Variants in ARHGAP27 observed in about 807,000 individuals in gnomAD.
ARHGAP27 encodes Rho GTPase activating protein 27.
In ARHGAP27, 53 loss-of-function variants were observed where a neutral mutation model predicts 102.0. The ratio of observed to expected loss-of-function variants is 0.52; its 90% CI spans 0.42 to 0.65. ARHGAP27 has a LOEUF of 0.65. Among genes scored for constraint, ARHGAP27 ranks in the 30% least tolerant of loss-of-function variants. The probability of loss-of-function intolerance (pLI) is 0.00; values close to 1 mark genes in which losing one functional copy is unlikely to be tolerated. For missense variants in ARHGAP27, 1,117 were observed against 1,256.2 expected (o/e 0.89, Z 1.68); for synonymous variants, 525 against 542.8 (o/e 0.97, Z 0.46).
chr17:45,410,472 G>A (rs1199009682), intron 4 of ARHGAP27: 5 of 1,296,026 alleles, frequency 3.9e-6, no homozygotes, highest in African/African-American at 1.6e-5. Flanking sequence ...TGGGGCGGGT[G>A]GGGTGGAGGG....
intron 4 of ARHGAP27, chr17:45,407,437 C>A (rs2047319462): frequency 6.6e-6 from 1 of 152,332 alleles, no homozygotes; most frequent in South Asian, 2.1e-4. Context: ...CAGATGACTA[C>A]ATTCTCAAAC....
chr17:45,404,784 G>GGCAGGT (rs1165413221), intron 6 of ARHGAP27, 103 bp from the exon 7 acceptor site: 8 of 1,493,822 alleles, frequency 5.4e-6, no homozygotes, highest in Non-Finnish European at 7.3e-6. Flanking sequence ...AGTCTGGAGG[G>GGCAGGT]GCAGGTGCAG....
chr17:45,406,705 G>A (rs906557581), intron 4 of ARHGAP27, among the ~76,000 whole-genome samples: 2 of 152,076 alleles, frequency 1.3e-5, no homozygotes, highest in African/African-American at 4.8e-5. Context: ...CCAGGCTGGA[G>A]TGCAGTGGCG....
chr17:45,397,572 T>C (rs2045902898), intron 13 of ARHGAP27: 1 of 227,972 alleles, frequency 4.4e-6, no homozygotes, highest in Non-Finnish European at 8.5e-6. Context: ...ACTTATGCAA[T>C]TGGTGTTTTC....
chr17:45,428,093 C>G (rs764255916), intron 4 of ARHGAP27, among the ~76,000 whole-genome samples: 1 of 152,260 alleles, frequency 6.6e-6, no homozygotes, highest in South Asian at 2.1e-4. Flanking sequence ...GACCCTGGGC[C>G]AGATGCGAGG....
intron 12 of ARHGAP27, among the ~76,000 whole-genome samples, chr17:45,401,249 A>G (rs1434835599): frequency 1.3e-5 from 2 of 151,864 alleles, no homozygotes; most frequent in Non-Finnish European, 2.9e-5. Context: ...TTAGGTGGGA[A>G]GATCGCTTGA....
chr17:45,424,141 G>C (rs2049314876), intron 4 of ARHGAP27, among the ~76,000 whole-genome samples: 1 of 152,240 alleles, frequency 6.6e-6, no homozygotes, highest in African/African-American at 2.4e-5. Flanking sequence ...CCAGCCAGGA[G>C]AGGGCAAGGA....
In ARHGAP27 at chr17:45,395,498, C is replaced by T; in HGVS notation, c.2628G>A (p.Glu876=). Residue 876 remains glutamate (E), a synonymous_variant, in exon 20 of 20, where the codon GAG becomes GAA. Coordinates refer to ENST00000685559, the MANE Select transcript of ARHGAP27 (RefSeq NM_001282290.2). The stretch of plus-strand genomic sequence containing the variant: ...TGTCCGCGCACTGCTGCAGGATGAG[C>T]TCCACCACCTGGTTCTGGAACACCA... The part of the protein sequence containing the change: ...MTMVFQNQVV[E]LILQQCADIF... 1.3e-6 allele frequency: 2 copies of T among 1,590,252 alleles called. No homozygotes were observed. Among genetic ancestry groups the T allele is most frequent in the Non-Finnish European group, 8.6e-7 (1 of 1,167,780 alleles).
chr17:45,407,119 G>A (rs1026759585), intron 4 of ARHGAP27, among the ~76,000 whole-genome samples: 3 of 152,076 alleles, frequency 2.0e-5, no homozygotes, highest in Admixed American at 2.0e-4. Context: ...CCTTAACCAG[G>A]CACAAGAGAC....
At chr17:45,395,710 G>C (rs1052431778) in intron 19 of ARHGAP27, 34 bp downstream of exon 19, 1 of 1,571,334 alleles carries the variant, frequency 6.4e-7, no homozygotes, top group Non-Finnish European at 8.6e-7. Context: ...GCCGGGACCT[G>C]CCTCCCCCTT....
intron 4 of ARHGAP27, chr17:45,408,275 G>GCA (rs1229479893): frequency 6.6e-6 from 1 of 152,238 alleles, no homozygotes; most frequent in Non-Finnish European, 1.5e-5. Context: ...GGGGAATACA[G>GCA]CAGGGAAGAA....
At chr17:45,420,527 T>A (rs1338903414) in intron 4 of ARHGAP27, among the ~76,000 whole-genome samples, 1 of 150,998 alleles carries the variant, frequency 6.6e-6, no homozygotes, top group East Asian at 1.9e-4. Context: ...TGCTTTGATT[T>A]AAAAAAAAAC....
Position 45,398,057 on chromosome 17 carries a change from C to T in ARHGAP27, c.1744-10G>A. On this transcript the variant is annotated splice_polypyrimidine_tract_variant and intron_variant, in intron 12 of 19. Transcript: ENST00000685559. ...CATCTCGGCTCCGTAGCTGGAGGGA[C>T]ACAAGTCAGTGGGTCATCTCTGGTA... is the stretch of plus-strand genomic sequence containing the variant. 3 of 1,596,782 alleles carry T rather than the reference C, an allele frequency of 1.9e-6. No individual in the cohort carries two copies. Among genetic ancestry groups the T allele is most frequent in the Non-Finnish European group, 2.6e-6 (3 of 1,167,350 alleles).
intron 11 of ARHGAP27, 103 bp downstream of exon 11, chr17:45,403,516 A>G: frequency 1.0e-6 from 1 of 984,402 alleles, no homozygotes; most frequent in South Asian, 1.7e-5. Flanking sequence ...ACACCACTAC[A>G]CTCCAGCCTG....
intron 4 of ARHGAP27, among the ~76,000 whole-genome samples, chr17:45,424,572 T>G (rs1045725785): frequency 3.3e-5 from 5 of 151,654 alleles, no homozygotes; most frequent in African/African-American, 1.2e-4. Context: ...CAGTCAGCTC[T>G]AGGAAGGGCA....
In ARHGAP27 at chr17:45,395,338, C is replaced by A; in HGVS notation, c.*118G>T. 2 of 1,312,108 alleles carry A rather than the reference C, an allele frequency of 1.5e-6. No individual in the cohort carries two copies. Among genetic ancestry groups the A allele is most frequent in the South Asian group, 3.0e-5 (2 of 65,882 alleles). The allele number at this position is 1,312,108 out of a possible 1,614,324, so 81.3% of individuals were successfully genotyped here. ...AGAACCGAGGGTGCAGAAGTCACAC[C>A]GGCCTGCGGCTATGCGCTGGCGGAG... is the stretch of plus-strand genomic sequence containing the variant. On this transcript the variant is annotated 3_prime_UTR_variant, in exon 20 of 20. Transcript: ENST00000685559.
chr17:45,415,636 G>GA (rs2048376050), intron 4 of ARHGAP27, among the ~76,000 whole-genome samples: 1 of 152,156 alleles, frequency 6.6e-6, no homozygotes, highest in Non-Finnish European at 1.5e-5. Flanking sequence ...CCTCCTGCTG[G>GA]CTTTGCCTCA....
At chr17:45,395,663 C>CCGAACTG (rs575851937) in intron 19 of ARHGAP27, 30 bp from the exon 20 acceptor site, 6 of 1,582,856 alleles carry the variant, frequency 3.8e-6, no homozygotes, top group Non-Finnish European at 5.1e-6. Context: ...GTTCAGGGCT[C>CCGAACTG]CGAACTGCGA....
In ARHGAP27 at chr17:45,398,733, C is replaced by CA. The variant is rs5820577; in HGVS notation, c.1744-687dup. ...TGGGCGACAGAGCAAGACTCCGTCT[C>CA]AAAAAAAAAAAAACAAAACAAAACC... is the stretch of plus-strand genomic sequence containing the variant. On this transcript the variant is annotated intron_variant, in intron 12 of 19. Coordinates refer to ENST00000685559, the MANE Select transcript of ARHGAP27 (RefSeq NM_001282290.2). 4.6e-3 allele frequency among the ~76,000 whole-genome samples: 641 copies of CA among 138,032 alleles called. 1 individual carries two copies. The highest frequency in any genetic ancestry group is 6.1e-3 in the Admixed American group (85 of 13,838). The allele number at this position is 138,032 out of a possible 152,430, so 90.6% of individuals were successfully genotyped here. A position where few individuals can be genotyped will look rare whatever the true frequency, so the allele number is the denominator to read the frequency against.
Sources: allele counts gnomAD v4.1 joint callset (sites outside exome capture counted in the v4.1 genomes callset), GRCh38; gene constraint gnomAD v4.1.1; transcripts MANE v1.5; gene names NCBI Gene and HGNC (gene_info 2026-07-23, HGNC 2026-07-21).